CCDC7: variants seen among roughly 807,000 people sequenced by gnomAD.
CCDC7 encodes coiled-coil domain containing 7, also known as coiled-coil domain-containing protein 7.
A neutral mutation model predicts 196.9 loss-of-function variants in CCDC7; 183 were observed. That is an observed-to-expected ratio of 0.93 (90% CI 0.82 to 1.05). CCDC7 has a LOEUF of 1.05. Among genes scored for constraint, CCDC7 ranks in the 50% least tolerant of loss-of-function variants. The pLI, the probability that CCDC7 is intolerant of heterozygous loss-of-function variation, is 0.00. For missense variants in CCDC7, 1,540 were observed against 1,482.2 expected (o/e 1.04, Z -0.64); for synonymous variants, 525 against 484.6 (o/e 1.08, Z -1.10).
At chr10:32,571,353 T>G (rs528467269) in intron 15 of CCDC7, among the ~76,000 whole-genome samples, 1 of 152,270 alleles carries the variant, frequency 6.6e-6, no homozygotes, top group African/African-American at 2.4e-5. Flanking sequence ...TATTTGAACA[T>G]GTATTCTCAG....
intron 28 of CCDC7, among the ~76,000 whole-genome samples, chr10:32,739,701 G>T (rs1320812554): frequency 6.6e-6 from 1 of 150,382 alleles, no homozygotes; most frequent in Non-Finnish European, 1.5e-5. Context: ...TGTTGTTGTT[G>T]TTGAAATCTA....
At chr10:32,598,201 A>C (rs2060617636) in intron 18 of CCDC7, among the ~76,000 whole-genome samples, 1 of 152,182 alleles carries the variant, frequency 6.6e-6, no homozygotes, top group Non-Finnish European at 1.5e-5. Context: ...AGCCTCAGCA[A>C]TGGTGGATGC....
chr10:32,744,137 T>C (rs2074291259), intron 28 of CCDC7, among the ~76,000 whole-genome samples: 1 of 137,590 alleles, frequency 7.3e-6, no homozygotes, highest in Non-Finnish European at 1.6e-5. Flanking sequence ...TAAAGTATAA[T>C]TTAAAAAAAA....
chr10:32,519,689 G>A (rs891302686), intron 11 of CCDC7, among the ~76,000 whole-genome samples: 1 of 151,964 alleles, frequency 6.6e-6, no homozygotes, highest in African/African-American at 2.4e-5. Context: ...GGAAAATTTG[G>A]TATCCTCCTT....
At chr10:32,640,543 C>G (rs1440355353) in intron 20 of CCDC7, among the ~76,000 whole-genome samples, 1 of 152,084 alleles carries the variant, frequency 6.6e-6, no homozygotes, top group African/African-American at 2.4e-5. Flanking sequence ...GAATTTTATC[C>G]TGTCATTATG....
chr10:32,467,838 G>A (rs1049738038), intron 5 of CCDC7, among the ~76,000 whole-genome samples: 7 of 152,326 alleles, frequency 4.6e-5, no homozygotes, highest in African/African-American at 1.7e-4. Flanking sequence ...TTATTGAATA[G>A]GGAGTCCTTT....
intron 25 of CCDC7, among the ~76,000 whole-genome samples, chr10:32,722,816 T>A (rs1190182440): frequency 1.3e-5 from 2 of 152,092 alleles, no homozygotes; most frequent in Non-Finnish European, 1.5e-5. Flanking sequence ...GTGTTAGGGA[T>A]TATGGAGATC....
intron 9 of CCDC7, among the ~76,000 whole-genome samples, chr10:32,495,966 C>G (rs2134657077): frequency 6.6e-6 from 1 of 152,208 alleles, no homozygotes; most frequent in East Asian, 1.9e-4. Context: ...GGCATTGAAT[C>G]TATAAATTAC....
intron 24 of CCDC7, among the ~76,000 whole-genome samples, chr10:32,698,805 C>T (rs2078153563): frequency 6.6e-6 from 1 of 152,122 alleles, no homozygotes; most frequent in Non-Finnish European, 1.5e-5. Context: ...GGAGAACTTC[C>T]CCAACCTAGC....
At position 32,453,363 on chromosome 10, in the gene CCDC7, A is replaced by G. The variant is rs199758916; in HGVS notation, c.299A>G (p.Glu100Gly). Reference sequence around the variant, plus strand: ...TTACAGGTTGTTTCCACTTTGGAAGAAACCTATGGACATTGCGATCAGAAT... The same window carrying G: ...TTACAGGTTGTTTCCACTTTGGAAGGAACCTATGGACATTGCGATCAGAAT... Residue 100 changes from glutamate to glycine, a missense_variant, in exon 2 of 42, where the codon GAA (glutamate) becomes GGA (glycine). By Grantham distance (98) the Glu-to-Gly change is moderately conservative. Coordinates refer to ENST00000639629, the Ensembl canonical transcript of CCDC7. 17 of 1,503,358 alleles carry G rather than the reference A, an allele frequency of 1.1e-5. No homozygotes were observed. The highest frequency in any genetic ancestry group is 1.5e-5 in the South Asian group (1 of 67,114). 93.1% of individuals were successfully genotyped at this position (1,503,358 alleles called of 1,614,324 possible). A position where few individuals can be genotyped will look rare whatever the true frequency, so the allele number is the denominator to read the frequency against.
chr10:32,510,488 A>G (rs2045938798), intron 9 of CCDC7, among the ~76,000 whole-genome samples: 3 of 152,230 alleles, frequency 2.0e-5, no homozygotes, highest in Admixed American at 6.5e-5. Context: ...TATGGTATTA[A>G]TGAGGGCAGA....
At chr10:32,645,618 T>A (rs1035174835) in intron 20 of CCDC7, among the ~76,000 whole-genome samples, 4 of 151,818 alleles carry the variant, frequency 2.6e-5, no homozygotes, top group African/African-American at 9.7e-5. Flanking sequence ...TGGCATTAGT[T>A]CTTCTTTAAA....
chr10:32,751,254 G>A (rs2075609995), intron 28 of CCDC7, among the ~76,000 whole-genome samples: 2 of 151,980 alleles, frequency 1.3e-5, no homozygotes, highest in Non-Finnish European at 2.9e-5. Flanking sequence ...AGGTAGCCCA[G>A]TGAACCCCCA....
chr10:32,490,041 G>C (rs187501085), intron 8 of CCDC7, among the ~76,000 whole-genome samples: 3 of 152,098 alleles, frequency 2.0e-5, no homozygotes, highest in Non-Finnish European at 4.4e-5. Context: ...TGTAGAGCAG[G>C]CTACTAGGAA....
chr10:32,722,268 A>G (rs2082523266), intron 25 of CCDC7, among the ~76,000 whole-genome samples: 1 of 152,158 alleles, frequency 6.6e-6, no homozygotes, highest in African/African-American at 2.4e-5. Context: ...CTAAAACAAT[A>G]TAACTATACT....
intron 39 of CCDC7, among the ~76,000 whole-genome samples, chr10:32,850,104 C>A (rs2093490521): frequency 6.6e-6 from 1 of 152,124 alleles, no homozygotes; most frequent in African/African-American, 2.4e-5. Flanking sequence ...TTCACAGAAA[C>A]TGAAAAGAGA....
intron 9 of CCDC7, chr10:32,511,708 T>C (rs997459804): frequency 7.6e-6 from 12 of 1,581,222 alleles, no homozygotes; most frequent in Non-Finnish European, 9.5e-6. Context: ...GAATTTCTAC[T>C]GGATAGTCTT....
intron 29 of CCDC7, among the ~76,000 whole-genome samples, chr10:32,790,406 G>A (rs983410163): frequency 6.6e-6 from 1 of 152,230 alleles, no homozygotes; most frequent in Non-Finnish European, 1.5e-5. Context: ...GACTGCTTGT[G>A]TCCTCTGGAG....
At chr10:32,569,169 CATCTT>C (rs1369636855) in intron 15 of CCDC7, among the ~76,000 whole-genome samples, 3 of 152,084 alleles carry the variant, frequency 2.0e-5, no homozygotes, top group Admixed American at 6.5e-5. Flanking sequence ...ATTAATAAAA[CATCTT>C]ATATGCTAGG....
Sources: gnomAD v4.1 joint callset for allele counts (sites outside exome capture counted in the v4.1 genomes callset) on GRCh38, gnomAD v4.1.1 for gene constraint, MANE v1.5 for transcripts, NCBI Gene and HGNC (gene_info 2026-07-23, HGNC 2026-07-21) for gene names.